The following ABCC4 variants were observed in gnomAD, a reference collection of about 807,000 sequenced individuals.
ABCC4 encodes the protein ATP-binding cassette sub-family C member 4.
Under a neutral mutation model 168.5 loss-of-function variants are expected in ABCC4, and 102 were observed. That is an observed-to-expected ratio of 0.61 (90% CI 0.52 to 0.71). ABCC4 has a LOEUF of 0.71. ABCC4 is among the 30% of genes least tolerant of loss of function. The pLI, the probability that ABCC4 is intolerant of heterozygous loss-of-function variation, is 0.00. For synonymous variants in ABCC4, 617 were observed against 590.7 expected (o/e 1.04, Z -0.65); for missense variants, 1,402 against 1,605.8 (o/e 0.87, Z 2.17).
chr13:95,182,300 A>T (rs1469570755), intron 11 of ABCC4, among the ~76,000 whole-genome samples: 1 of 151,644 alleles, frequency 6.6e-6, no homozygotes, highest in African/African-American at 2.4e-5. Flanking sequence ...GAGTCAAGTG[A>T]GCTATATAGA....
rs1036408033 is a variant in ABCC4, at chr13:95,045,528, CAAAA to C, written c.3457-1094_3457-1091del. Among the ~76,000 whole-genome samples the C allele has an allele frequency of 2.0e-5, 3 of 151,952 alleles. No individual in the cohort carries two copies. In the South Asian group the frequency reaches 6.2e-4, roughly 32 times the overall value. Reference sequence around the variant, plus strand: ...ATGTTTTGCAGTGAATGAAAACTCACAAAAAAACAGGACACAATATAACATCTTG... The same window carrying C: ...ATGTTTTGCAGTGAATGAAAACTCACAAACAGGACACAATATAACATCTTG... On this transcript the variant is annotated intron_variant, in intron 27 of 30. Transcript: ENST00000645237.
At chr13:95,248,274 G>A (rs1170858138) in intron 1 of ABCC4, among the ~76,000 whole-genome samples, 1 of 152,082 alleles carries the variant, frequency 6.6e-6, no homozygotes, top group Non-Finnish European at 1.5e-5. Flanking sequence ...AAGAATCCAC[G>A]AATCCTTACT....
At chr13:95,243,346 C>G (rs1467935638) in intron 3 of ABCC4, among the ~76,000 whole-genome samples, 1 of 152,088 alleles carries the variant, frequency 6.6e-6, no homozygotes, top group Non-Finnish European at 1.5e-5. Context: ...TCTGAAACTG[C>G]AGAGATATCA....
At chr13:95,290,463 G>C (rs1446111192) in intron 1 of ABCC4, among the ~76,000 whole-genome samples, 1 of 152,148 alleles carries the variant, frequency 6.6e-6, no homozygotes, top group African/African-American at 2.4e-5. Flanking sequence ...CCAGCACTTT[G>C]GGAGGCCAAG....
At position 95,021,007 on chromosome 13, in the gene ABCC4, T is replaced by G. The variant is rs1379551583; in HGVS notation, c.*568A>C. The G allele has an allele frequency of 6.7e-6, 1 of 149,214 alleles. No individual in the cohort carries two copies. Among genetic ancestry groups the G allele is most frequent in the African/African-American group, 2.4e-5 (1 of 40,880 alleles). 9.2% of individuals were successfully genotyped at this position (149,214 alleles called of 1,614,324 possible). ...TTAACCATGTATCCATTTTTTTTTT[T>G]GATGGGGAGTAAGGGGTACACACTC... is the stretch of plus-strand genomic sequence containing the variant. On this transcript the variant is annotated 3_prime_UTR_variant, in exon 31 of 31. Coordinates refer to ENST00000645237, the MANE Select transcript of ABCC4 (RefSeq NM_005845.5).
At chr13:95,106,499 T>C (rs545597311) in intron 20 of ABCC4, among the ~76,000 whole-genome samples, 1 of 151,336 alleles carries the variant, frequency 6.6e-6, no homozygotes, top group African/African-American at 2.4e-5. Context: ...AGAGGGAGTT[T>C]TGTAAACTTC....
chr13:95,164,053 A>AG, intron 16 of ABCC4, among the ~76,000 whole-genome samples: 4 of 147,362 alleles, frequency 2.7e-5, no homozygotes, highest in African/African-American at 1.0e-4. Context: ...AAAAAAAAAA[A>AG]AAAAGAAAGA....
At chr13:95,254,866 C>T (rs1235425828) in intron 1 of ABCC4, among the ~76,000 whole-genome samples, 2 of 152,114 alleles carry the variant, frequency 1.3e-5, no homozygotes, top group Non-Finnish European at 2.9e-5. Flanking sequence ...TGGGGTTTTT[C>T]TGTGTTGTTT....
At chr13:95,061,998 G>T (rs892236396) in intron 26 of ABCC4, among the ~76,000 whole-genome samples, 2 of 152,140 alleles carry the variant, frequency 1.3e-5, no homozygotes, top group African/African-American at 4.8e-5. Flanking sequence ...GAGAAGAAAA[G>T]AAAATAGAAT....
chr13:95,039,548 T>C (rs571377982), intron 29 of ABCC4, among the ~76,000 whole-genome samples: 1 of 152,174 alleles, frequency 6.6e-6, no homozygotes, highest in Non-Finnish European at 1.5e-5. Context: ...TGCATTGATG[T>C]TGGTCCCGTG....
At chr13:95,132,111 A>G (rs534703828) in intron 19 of ABCC4, among the ~76,000 whole-genome samples, 4 of 152,202 alleles carry the variant, frequency 2.6e-5, no homozygotes, top group Non-Finnish European at 5.9e-5. Flanking sequence ...GTCCCTCTCT[A>G]TCTGTGTGGG....
rs182074331 is a variant in ABCC4, at chr13:95,286,885, G to A, written c.74+14356C>T. Among the ~76,000 whole-genome samples, 393 of 151,070 alleles carry A rather than the reference G, an allele frequency of 2.6e-3. 4 individuals carry two copies. Among genetic ancestry groups the A allele is most frequent in the African/African-American group, 9.0e-3 (369 of 41,086 alleles). On this transcript the variant is annotated intron_variant, in intron 1 of 30. Coordinates refer to ENST00000645237, the MANE Select transcript of ABCC4 (RefSeq NM_005845.5). The stretch of plus-strand genomic sequence containing the variant: ...GGCAGGAGAATTGCTTGAACCCCGA[G>A]GCAGAGGTTGCAGTGAGCTGAGTCC...
intron 3 of ABCC4, among the ~76,000 whole-genome samples, chr13:95,243,545 G>A (rs935377226): frequency 6.6e-6 from 1 of 152,146 alleles, no homozygotes; most frequent in Non-Finnish European, 1.5e-5. Flanking sequence ...AGGGCTGCAC[G>A]CCTCACACAT....
intron 5 of ABCC4, 133 bp from the exon 6 acceptor site, chr13:95,209,730 G>T: frequency 1.3e-6 from 1 of 785,490 alleles, no homozygotes; most frequent in Non-Finnish European, 1.9e-6. Context: ...GTTTACACCT[G>T]CTAAAGCAGA....
intron 12 of ABCC4, 65 bp from the exon 13 acceptor site, chr13:95,177,858 G>A: frequency 6.6e-7 from 1 of 1,522,540 alleles, no homozygotes; most frequent in Non-Finnish European, 9.1e-7. Flanking sequence ...CAACTGGGAT[G>A]TTCATTCAAA....
chr13:95,170,362 G>A (rs546787606), intron 14 of ABCC4, 170 bp downstream of exon 14: 3 of 480,180 alleles, frequency 6.2e-6, no homozygotes, highest in South Asian at 4.4e-5. Flanking sequence ...CATACTTTAC[G>A]GTAATATGGT....
intron 25 of ABCC4, among the ~76,000 whole-genome samples, chr13:95,067,808 G>GA (rs372528164): frequency 2.1e-4 from 31 of 150,210 alleles, no homozygotes; most frequent in South Asian, 1.1e-3. Flanking sequence ...TTTGAGCAAG[G>GA]AAAAAAAAAT....
At chr13:95,253,365 C>T (rs1386313028) in intron 1 of ABCC4, among the ~76,000 whole-genome samples, 2 of 152,240 alleles carry the variant, frequency 1.3e-5, no homozygotes, top group East Asian at 1.9e-4. Flanking sequence ...CTGGGTTTTT[C>T]TGTGTTGTTT....
At chr13:95,037,855 A>G (rs1319319470) in intron 29 of ABCC4, among the ~76,000 whole-genome samples, 2 of 152,038 alleles carry the variant, frequency 1.3e-5, no homozygotes, top group East Asian at 3.9e-4. Context: ...CTCACAGAAA[A>G]AGAAGACAAA....
Sources: allele counts gnomAD v4.1 joint callset (sites outside exome capture counted in the v4.1 genomes callset), GRCh38; gene constraint gnomAD v4.1.1; transcripts MANE v1.5; gene names NCBI Gene and HGNC (gene_info 2026-07-23, HGNC 2026-07-21).